Variants in OSBPL10 observed in about 807,000 individuals in gnomAD.
OSBPL10 encodes the protein oxysterol-binding protein-related protein 10.
A neutral mutation model predicts 81.7 loss-of-function variants in OSBPL10; 49 were observed. The ratio of observed to expected loss-of-function variants is 0.60; its 90% confidence interval spans 0.48 to 0.76. OSBPL10 has a LOEUF of 0.76. Among genes scored for constraint, OSBPL10 ranks in the 30% least tolerant of loss-of-function variants. OSBPL10 has a pLI of 0.00. For missense variants in OSBPL10, 923 were observed against 987.8 expected, an observed-to-expected ratio of 0.93 and a Z score of 0.88; for synonymous variants, 419 against 383.6, an observed-to-expected ratio of 1.09 and a Z score of -1.08.
intron 5 of OSBPL10, among the ~76,000 whole-genome samples, chr3:31,737,927 G>A (rs955673648): frequency 6.6e-6 from 1 of 151,860 alleles, no homozygotes; most frequent in Admixed American, 6.6e-5. Context: ...GGGAGGCAGA[G>A]GTTGCAGTGA....
chr3:32,045,615 TA>T lies in OSBPL10; in HGVS notation n.298+875del, dbSNP rs147861780. Among the ~76,000 whole-genome samples, 813 of 152,272 alleles carry T rather than the reference TA, an allele frequency of 5.3e-3. 21 individuals are homozygous for T. In the East Asian group the frequency reaches 0.088, roughly 16 times the overall value. ...TGTAGTCAGAATTAACAGACATTTT[TA>T]AAGGAGGCATCCAACTTGGAAACTA... is the stretch of plus-strand genomic sequence containing the variant. On this transcript the variant is annotated intron_variant and non_coding_transcript_variant, in intron 2 of 3. Transcript: ENST00000479173.
intron 10 of OSBPL10, among the ~76,000 whole-genome samples, chr3:31,665,637 G>GTC (rs1454089577): frequency 5.9e-5 from 9 of 152,186 alleles, no homozygotes; most frequent in Non-Finnish European, 1.0e-4. Flanking sequence ...GATCTGATTG[G>GTC]TCTCTCAGTC....
chr3:31,873,618 T>G (rs1262320325), intron 3 of OSBPL10, among the ~76,000 whole-genome samples: 1 of 152,212 alleles, frequency 6.6e-6, no homozygotes, highest in Non-Finnish European at 1.5e-5. Flanking sequence ...GTAAGAGTTT[T>G]TAAAAGGCAA....
chr3:32,043,421 A>G (rs144043574), intron 2 of OSBPL10, among the ~76,000 whole-genome samples: 2,571 of 152,280 alleles, frequency 0.017, 98 homozygotes, highest in African/African-American at 0.059. Context: ...TTTATAATCA[A>G]TTTGTACAGT....
At chr3:31,825,804 C>T (rs372813629) in intron 4 of OSBPL10, among the ~76,000 whole-genome samples, 25 of 152,188 alleles carry the variant, frequency 1.6e-4, no homozygotes, top group African/African-American at 5.5e-4. Context: ...TCTAAAACTT[C>T]GTTTGCAAGT....
rs144402663 is a variant in OSBPL10 at position 31,816,704 on chromosome 3, G to A, written c.729+13336C>T. 7.7e-4 allele frequency among the ~76,000 whole-genome samples: 117 copies of A among 152,266 alleles called. 1 individual carries two copies. The highest frequency in any genetic ancestry group is 2.1e-3 in the African/African-American group (88 of 41,550). On this transcript the variant is annotated intron_variant, in intron 4 of 11. Transcript: ENST00000396556. ...CCTGCATCCAGGAAGAATGAGGTAC[G>A]CAGACAAGTGAAGGGTGAACAAGAC...
Position 31,981,159 on chromosome 3 carries a change from GC to G in OSBPL10, c.20del (p.Gly7AlafsTer103). On this transcript the variant is annotated frameshift_variant, in exon 1 of 12. Coordinates refer to ENST00000396556, the MANE Select transcript of OSBPL10 (RefSeq NM_017784.5). LOFTEE classifies it high-confidence loss of function. The surrounding 1 kb of genome is among the most constrained non-coding windows in gnomAD (Gnocchi z 4.5). Reference protein sequence around the residue: MERAVQGTDGGGGSNSS... With the variant: MERAVQXTDGGGGSNSS... ...TGTTGCTACCCCCGCCGCCGTCTGT[GC>G]CCTGGACTGCCCTCTCCATGGTCCG... The G allele has an allele frequency of 6.7e-7, 1 of 1,482,700 alleles. No homozygotes were observed. The highest frequency in any genetic ancestry group is 8.9e-7 in the Non-Finnish European group (1 of 1,121,640). The allele number at this position is 1,482,700 out of a possible 1,614,324, so 91.8% of individuals were successfully genotyped here.
intron 1 of OSBPL10, among the ~76,000 whole-genome samples, chr3:31,941,925 G>C (rs1401312694): frequency 6.6e-6 from 1 of 152,078 alleles, no homozygotes; most frequent in African/African-American, 2.4e-5. Flanking sequence ...AACTATTATC[G>C]GCTGGCTGCT....
In OSBPL10 at chr3:31,813,039, C is replaced by T. The variant is rs72861347; in HGVS notation, c.729+17001G>A. Reference sequence around the variant, plus strand: ...TATTATGTGTTTTACATCGAAATCTCTCCAATATAAGAAATATAAGGAATC... The same window carrying T: ...TATTATGTGTTTTACATCGAAATCTTTCCAATATAAGAAATATAAGGAATC... On this transcript the variant is annotated intron_variant, in intron 4 of 11. Coordinates refer to ENST00000396556, the MANE Select transcript of OSBPL10 (RefSeq NM_017784.5). Among the ~76,000 whole-genome samples the T allele has an allele frequency of 6.2e-3, 943 of 152,238 alleles. 5 individuals are homozygous for T. Among genetic ancestry groups the T allele is most frequent in the African/African-American group, 0.022 (896 of 41,546 alleles).
intron 5 of OSBPL10, among the ~76,000 whole-genome samples, chr3:31,734,703 A>C (rs1202878279): frequency 6.6e-6 from 1 of 152,188 alleles, no homozygotes; most frequent in Non-Finnish European, 1.5e-5. Flanking sequence ...ATGCCACTGC[A>C]CTCCAGCCTT....
chr3:31,671,004 G>C, intron 8 of OSBPL10, 21 bp from the exon 9 acceptor site: 1 of 1,587,372 alleles, frequency 6.3e-7, no homozygotes. Flanking sequence ...AGAGGAGGGA[G>C]AGTTAGGCAT....
intron 3 of OSBPL10, among the ~76,000 whole-genome samples, chr3:31,872,517 TAAG>T (rs910103583): frequency 6.6e-6 from 1 of 151,082 alleles, no homozygotes; most frequent in African/African-American, 2.4e-5. Flanking sequence ...TTTTTCCAAG[TAAG>T]AATATTAAGA....
intron 4 of OSBPL10, among the ~76,000 whole-genome samples, chr3:31,752,501 C>T (rs1301654723): frequency 2.6e-5 from 4 of 152,036 alleles, no homozygotes; most frequent in Admixed American, 6.6e-5. Context: ...AGAAACTTGT[C>T]AGAGAGGGAA....
At chr3:32,037,809 A>G (rs1054838764) in intron 2 of OSBPL10, among the ~76,000 whole-genome samples, 1 of 152,188 alleles carries the variant, frequency 6.6e-6, no homozygotes, top group Non-Finnish European at 1.5e-5. Flanking sequence ...AACAGCCCAC[A>G]TATCTGCCCA....
At chr3:31,831,661 G>C (rs543740270) in intron 3 of OSBPL10, among the ~76,000 whole-genome samples, 1 of 152,312 alleles carries the variant, frequency 6.6e-6, no homozygotes, top group South Asian at 2.1e-4. Context: ...GTACTCAGAA[G>C]ATAAATGTAA....
chr3:31,747,171 C>A (rs111648299), intron 5 of OSBPL10, among the ~76,000 whole-genome samples: 7 of 151,936 alleles, frequency 4.6e-5, no homozygotes, highest in African/African-American at 1.7e-4. Flanking sequence ...CCCGTCTCTA[C>A]TGAAAACATA....
At position 31,670,792 on chromosome 3, in the gene OSBPL10, C is replaced by T; in HGVS notation, c.1913+5G>A. On this transcript the variant is annotated splice_donor_5th_base_variant and intron_variant, in intron 9 of 11. Coordinates refer to ENST00000396556, the MANE Select transcript of OSBPL10 (RefSeq NM_017784.5). Reference sequence around the variant, plus strand: ...AAAGCCAGAGTCTCTCCGGCCAGCTCCTACCTGTGGACTTTCCCTCCATAG... The same window carrying T: ...AAAGCCAGAGTCTCTCCGGCCAGCTTCTACCTGTGGACTTTCCCTCCATAG... 1 of 1,612,738 alleles carries T rather than the reference C, an allele frequency of 6.2e-7. No homozygotes were observed. The highest frequency in any genetic ancestry group is 8.5e-7 in the Non-Finnish European group (1 of 1,179,174).
chr3:31,772,393 A>G (rs1698407460), intron 4 of OSBPL10, among the ~76,000 whole-genome samples: 1 of 152,266 alleles, frequency 6.6e-6, no homozygotes, highest in Non-Finnish European at 1.5e-5. Flanking sequence ...CAAATACTCA[A>G]CCATTGGGGA....
intron 1 of OSBPL10, among the ~76,000 whole-genome samples, chr3:31,931,362 C>A (rs762331088): frequency 6.6e-6 from 1 of 152,172 alleles, no homozygotes; most frequent in Non-Finnish European, 1.5e-5. Context: ...TAACCTATTT[C>A]CTTTCCAATT....
Sources: gnomAD v4.1 joint callset for allele counts (sites outside exome capture counted in the v4.1 genomes callset) on GRCh38, gnomAD v4.1.1 for gene constraint, Gnocchi (gnomAD v3.1) non-coding constraint, MANE v1.5 for transcripts, NCBI Gene and HGNC (gene_info 2026-07-23, HGNC 2026-07-21) for gene names.